Variants in RXRB observed in about 807,000 individuals in gnomAD.
RXRB encodes the protein retinoid X receptor beta.
A neutral mutation model predicts 52.5 loss-of-function variants in RXRB; 18 were observed. The ratio of observed to expected loss-of-function variants is 0.34; its 90% CI spans 0.24 to 0.51. The LOEUF is 0.51. Ranked by LOEUF, RXRB falls within the 20% of genes least tolerant of loss-of-function variation. The pLI, the probability that RXRB is intolerant of heterozygous loss-of-function variation, is 0.97. For missense variants in RXRB, 455 were observed against 698.2 expected (o/e 0.65, Z 3.92); for synonymous variants, 233 against 267.1 (o/e 0.87, Z 1.25).
chr6:33,195,602 G>A lies in RXRB; in HGVS notation c.1224C>T (p.Ala408=), dbSNP rs1431902493. The change falls in exon 7 of 10, where the codon GCC becomes GCT. Residue 408 remains alanine, a synonymous_variant. Transcript: ENST00000374680. This position sits in a 1 kb window ranked among gnomAD's most constrained non-coding sequence, Gnocchi z 8.6. The stretch of plus-strand genomic sequence containing the variant: ...AGATGGCTCCTACTCCTGCTGAATG[G>A]GCTGAGTTGCGGTGCACGTGAAGAC... ...ATGLHVHRNS[A]HSAGVGAIFD... is the part of the protein sequence containing the mutation. 3 of 1,612,982 alleles carry A rather than the reference G, an allele frequency of 1.9e-6. No homozygotes were observed. In the East Asian group the frequency reaches 6.7e-5, roughly 36 times the overall value.
chr6:33,200,398 C>T lies in RXRB; in HGVS notation c.79G>A (p.Glu27Lys). 1 of 1,567,260 alleles carries T rather than the reference C, an allele frequency of 6.4e-7. No homozygotes were observed. The highest frequency in any genetic ancestry group is 8.6e-7 in the Non-Finnish European group (1 of 1,158,068). The stretch of plus-strand genomic sequence containing the variant: ...CGGGACGCGACCCCACAATGCATTT[C>T]TTTTCGCACCCCCACCGGCCCACAC... ...GQCGPVGVRK[E>K]MHCGVASRWR... Residue 27 changes from glutamate to lysine, a missense_variant, in exon 1 of 10, where the codon GAA becomes AAA. By Grantham distance (56) the Glu-to-Lys change is moderately conservative. Transcript: ENST00000374680. The surrounding 1 kb of genome is among the most constrained non-coding windows in gnomAD (Gnocchi z 6.3).
chr6:33,194,913 G>T lies in RXRB; in HGVS notation c.1454+32C>A, dbSNP rs547457698. On this transcript the variant is annotated intron_variant, in intron 9 of 9. Transcript: ENST00000374680. This position sits in a 1 kb window ranked among gnomAD's most constrained non-coding sequence, Gnocchi z 4.1. ...TCCTCATAGCACTCCCCACCCCCAA[G>T]GGAGCCTCAGTGCCCCCCAGCCCCA... The T allele has an allele frequency of 7.8e-5, 126 of 1,610,584 alleles. No individual in the cohort carries two copies. Among genetic ancestry groups the T allele is most frequent in the Middle Eastern group, 1.7e-4 (1 of 6,058 alleles).
rs373419135 is a variant in RXRB at position 33,195,559 on chromosome 6, G to C, written c.1256+11C>G. ...TCTATCTACATGCCAGCCTAGCCGA[G>C]GGCCACTGACCGATCAAAGATGGCT... is the stretch of plus-strand genomic sequence containing the variant. On this transcript the variant is annotated intron_variant, in intron 7 of 9. Transcript: ENST00000374680. The surrounding 1 kb of genome is among the most constrained non-coding windows in gnomAD (Gnocchi z 8.6). 1 of 1,613,076 alleles carries C rather than the reference G, an allele frequency of 6.2e-7. No homozygotes were observed. Among genetic ancestry groups the C allele is most frequent in the South Asian group, 1.1e-5 (1 of 91,090 alleles).
At chr6:33,198,597 C>T (rs1298816466) in intron 2 of RXRB, 133 bp from the exon 3 acceptor site, 1 of 891,782 alleles carries the variant, frequency 1.1e-6, no homozygotes, top group Non-Finnish European at 1.8e-6. Context: ...ATTTACACTG[C>T]AGTCTATGTG....
In RXRB at chr6:33,197,692, G is replaced by A; in HGVS notation, c.820+70C>T. 6.9e-7 allele frequency: 1 copy of A among 1,439,402 alleles called. No homozygotes were observed. The highest frequency in any genetic ancestry group is 1.2e-5 in the South Asian group (1 of 83,478). The allele number at this position is 1,439,402 out of a possible 1,614,324, so 89.2% of individuals were successfully genotyped here. A position where few individuals can be genotyped will look rare whatever the true frequency, so the allele number is the denominator to read the frequency against. On this transcript the variant is annotated intron_variant, in intron 4 of 9. Transcript: ENST00000374680. This position sits in a 1 kb window ranked among gnomAD's most constrained non-coding sequence, Gnocchi z 4.4. ...GAGAGCAGTCCACCCTTCCAGAGAG[G>A]TACACAGTCTGAGTGGGATAAGGGA...
rs1000491541 is a variant in RXRB at position 33,194,538 on chromosome 6, G to C, written c.*144C>G. On this transcript the variant is annotated 3_prime_UTR_variant, in exon 10 of 10. Coordinates refer to ENST00000374680, the MANE Select transcript of RXRB (RefSeq NM_021976.5). This position sits in a 1 kb window ranked among gnomAD's most constrained non-coding sequence, Gnocchi z 4.1. ...CTTGGGATATCAAGCAGATCCCTTGGAGGGTTTATGTTCTTGGTTCTGCCC... is the reference window on the plus strand; with the variant it reads ...CTTGGGATATCAAGCAGATCCCTTGCAGGGTTTATGTTCTTGGTTCTGCCC... 1 of 806,704 alleles carries C rather than the reference G, an allele frequency of 1.2e-6. No homozygotes were observed. The highest frequency in any genetic ancestry group is 1.7e-5 in the African/African-American group (1 of 57,566). 50.0% of individuals were successfully genotyped at this position (806,704 alleles called of 1,614,324 possible).
upstream of RXRB, chr6:33,200,845 G>A (rs768903420): frequency 1.0e-4 from 152 of 1,501,502 alleles, no homozygotes; most frequent in Middle Eastern, 1.7e-4. This position sits in a 1 kb window ranked among gnomAD's most constrained non-coding sequence, Gnocchi z 6.3. Context: ...AAGGCATTAG[G>A]GCGAAGGTGG....
In RXRB at chr6:33,200,086, G is replaced by C; in HGVS notation, c.235+156C>G. On this transcript the variant is annotated intron_variant, in intron 1 of 9. Coordinates refer to ENST00000374680, the MANE Select transcript of RXRB (RefSeq NM_021976.5). This position sits in a 1 kb window ranked among gnomAD's most constrained non-coding sequence, Gnocchi z 6.3. The stretch of plus-strand genomic sequence containing the variant: ...AAGCTCCCCTTCCCCGCCCCGCCCC[G>C]GGGGGGAGGGTGCTAAGGCCCTCGG... 1 of 1,082,950 alleles carries C rather than the reference G, an allele frequency of 9.2e-7. No homozygotes were observed. Among genetic ancestry groups the C allele is most frequent in the Non-Finnish European group, 1.4e-6 (1 of 710,314 alleles). The allele number at this position is 1,082,950 out of a possible 1,614,324, so 67.1% of individuals were successfully genotyped here.
rs192850311 is a variant in RXRB at position 33,196,783 on chromosome 6, G to C, written c.821-177C>G. On this transcript the variant is annotated intron_variant, in intron 4 of 9. Transcript: ENST00000374680. This position sits in a 1 kb window ranked among gnomAD's most constrained non-coding sequence, Gnocchi z 4.0. ...CAGCCCTGAAGGAAGGGTTATAAAA[G>C]GGCAGGTAAGTCAGTCGGGAAGGGT... Among the ~76,000 whole-genome samples the C allele has an allele frequency of 2.6e-5, 4 of 152,188 alleles. No homozygotes were observed. The highest frequency in any genetic ancestry group is 9.6e-5 in the African/African-American group (4 of 41,508).
chr6:33,198,152 C>G (rs1313165805), intron 3 of RXRB, among the ~76,000 whole-genome samples, 156 bp downstream of exon 3: 2 of 152,212 alleles, frequency 1.3e-5, no homozygotes, highest in Admixed American at 6.5e-5. Flanking sequence ...GACCTTCCCC[C>G]CAATCGCGTC....
At position 33,199,323 on chromosome 6, in the gene RXRB, G is replaced by T; in HGVS notation, c.329C>A (p.Ala110Asp). The T allele has an allele frequency of 2.5e-6, 3 of 1,182,504 alleles. No individual in the cohort carries two copies. The highest frequency in any genetic ancestry group is 3.2e-6 in the Non-Finnish European group (3 of 930,382). 73.3% of individuals were successfully genotyped at this position (1,182,504 alleles called of 1,614,324 possible). The change falls in exon 2 of 10, where the codon GCT (alanine) becomes GAT (aspartate). Residue 110 changes from alanine (A) to aspartate (D), a missense_variant. This residue lies in a region of RXRB where 225 missense variants were observed against 258.6 expected (regional missense o/e 0.87). Coordinates refer to ENST00000374680, the MANE Select transcript of RXRB (RefSeq NM_021976.5). The part of the protein sequence containing the change: ...PPGPPLPPST[A>D]PSLGGSGAPP... ...GGCCCCAGAGCCTCCAAGGGATGGA[G>T]CTGTTGAAGGGGGTAGGGGTGGCCC...
At position 33,196,634 on chromosome 6, in the gene RXRB, T is replaced by G; in HGVS notation, c.821-28A>C. On this transcript the variant is annotated intron_variant, in intron 4 of 9. Transcript: ENST00000374680. The surrounding 1 kb of genome is among the most constrained non-coding windows in gnomAD (Gnocchi z 4.0). ...GCAGGGGGAAGGGGGAGAGAAAAAA[T>G]GGAAAGTCAGCAGCCAGCCATGAAG... 6.4e-7 allele frequency: 1 copy of G among 1,562,392 alleles called. No individual in the cohort carries two copies. Among genetic ancestry groups the G allele is most frequent in the Non-Finnish European group, 8.7e-7 (1 of 1,155,244 alleles).
Position 33,197,564 on chromosome 6 carries a change from C to T in RXRB, c.820+198G>A, listed in dbSNP as rs1774007493. Among the ~76,000 whole-genome samples, 1 of 152,206 alleles carries T rather than the reference C, an allele frequency of 6.6e-6. No homozygotes were observed. The highest frequency in any genetic ancestry group is 2.1e-4 in the South Asian group (1 of 4,836). On this transcript the variant is annotated intron_variant, in intron 4 of 9. Coordinates refer to ENST00000374680, the MANE Select transcript of RXRB (RefSeq NM_021976.5). This position sits in a 1 kb window ranked among gnomAD's most constrained non-coding sequence, Gnocchi z 4.4. ...AGGGAGGGGTCATATGTGCAGGCCACAGAGGCCTAACCATTAAGAAGGAAA... is the reference window on the plus strand; with the variant it reads ...AGGGAGGGGTCATATGTGCAGGCCATAGAGGCCTAACCATTAAGAAGGAAA...
chr6:33,197,800 C>G lies in RXRB; in HGVS notation c.782G>C (p.Arg261Pro). 1.2e-6 allele frequency: 2 copies of G among 1,613,996 alleles called. No individual in the cohort carries two copies. Among genetic ancestry groups the G allele is most frequent in the Non-Finnish European group, 1.7e-6 (2 of 1,180,028 alleles). ...KRQRNRCQYC[R>P]YQKCLATGMK... The stretch of plus-strand genomic sequence containing the variant: ...GCCAGTGGCCAGGCACTTCTGATAG[C>G]GGCAGTACTGACAGCGGTTCCGCTG... Residue 261 changes from arginine to proline, a missense_variant, in exon 4 of 10, where the codon CGC becomes CCC. Arg to Pro is a moderately radical substitution (Grantham distance 103). Transcript: ENST00000374680. This position sits in a 1 kb window ranked among gnomAD's most constrained non-coding sequence, Gnocchi z 4.4.
In RXRB at chr6:33,198,291, T is replaced by A; in HGVS notation, c.640+17A>T. On this transcript the variant is annotated intron_variant, in intron 3 of 9. Transcript: ENST00000374680. ...GGCCCAGACTCTCCCTCTCTGTTCA[T>A]CCTCTGAGCCACATACCTGAGCTTC... 1 of 1,612,948 alleles carries A rather than the reference T, an allele frequency of 6.2e-7. No homozygotes were observed. Among genetic ancestry groups the A allele is most frequent in the Non-Finnish European group, 8.5e-7 (1 of 1,179,934 alleles).
At position 33,199,435 on chromosome 6, in the gene RXRB, C is replaced by G; in HGVS notation, c.236-19G>C. The G allele has an allele frequency of 1.6e-6, 2 of 1,260,358 alleles. No individual in the cohort carries two copies. Among genetic ancestry groups the G allele is most frequent in the Non-Finnish European group, 2.0e-6 (2 of 994,028 alleles). 78.1% of individuals were successfully genotyped at this position (1,260,358 alleles called of 1,614,324 possible). ...CGGGAGTCTGAGGGAGGGGTATGTA[C>G]AGGCACACAGACACACAAGAGACAG... On this transcript the variant is annotated intron_variant, in intron 1 of 9. Coordinates refer to ENST00000374680, the MANE Select transcript of RXRB (RefSeq NM_021976.5).
rs1345469216 is a variant in RXRB, at chr6:33,198,295, C to G, written c.640+13G>C. 22 of 1,612,888 alleles carry G rather than the reference C, an allele frequency of 1.4e-5. No homozygotes were observed. The highest frequency in any genetic ancestry group is 1.8e-5 in the Non-Finnish European group (21 of 1,179,972). ...CAGACTCTCCCTCTCTGTTCATCCTCTGAGCCACATACCTGAGCTTCTGTC... is the reference window on the plus strand; with the variant it reads ...CAGACTCTCCCTCTCTGTTCATCCTGTGAGCCACATACCTGAGCTTCTGTC... On this transcript the variant is annotated intron_variant, in intron 3 of 9. Transcript: ENST00000374680.
At chr6:33,199,566 A>G (rs1774266497) in intron 1 of RXRB, 150 bp from the exon 2 acceptor site, 1 of 535,442 alleles carries the variant, frequency 1.9e-6, no homozygotes, top group Non-Finnish European at 3.1e-6. Context: ...CCCCAAGTTC[A>G]GAGACACCCT....
At position 33,197,848 on chromosome 6, in the gene RXRB, T is replaced by C. The variant is rs1774037354; in HGVS notation, c.734A>G (p.Lys245Arg). Residue 245 changes from lysine to arginine, a missense_variant, in exon 4 of 10, where the codon AAA becomes AGA. Physicochemically the swap from Lys to Arg is conservative, Grantham distance 26. This residue lies in a region of RXRB where 100 missense variants were observed against 141.9 expected (regional missense o/e 0.70). Transcript: ENST00000374680. The surrounding 1 kb of genome is among the most constrained non-coding windows in gnomAD (Gnocchi z 4.4). The part of the protein sequence containing the change: ...KDLTYSCRDN[K>R]DCTVDKRQRN... Reference sequence around the variant, plus strand: ...CTGGCGCTTGTCCACTGTGCAGTCTTTGTTGTCCCGGCAAGAGTATGTAAG... The same window carrying C: ...CTGGCGCTTGTCCACTGTGCAGTCTCTGTTGTCCCGGCAAGAGTATGTAAG... 1.2e-6 allele frequency: 2 copies of C among 1,613,896 alleles called. No homozygotes were observed. Among genetic ancestry groups the C allele is most frequent in the Non-Finnish European group, 1.7e-6 (2 of 1,180,022 alleles).
Sources: allele counts gnomAD v4.1 joint callset (sites outside exome capture counted in the v4.1 genomes callset), GRCh38; gene constraint gnomAD v4.1.1; regional missense constraint gnomAD v4.1.1; non-coding constraint Gnocchi (gnomAD v3.1); transcripts MANE v1.5; gene names NCBI Gene and HGNC (gene_info 2026-07-23, HGNC 2026-07-21).